The following MS4A13 variants were observed in gnomAD, a reference collection of about 807,000 sequenced individuals.
MS4A13 encodes the protein membrane-spanning 4-domains subfamily A member 13.
MS4A13 carries 21 observed loss-of-function variants against 18.4 expected under a neutral mutation model. The observed-to-expected ratio is 1.14, with a 90% CI of 0.81 to 1.64. MS4A13 has a LOEUF of 1.64. Among genes scored for constraint, MS4A13 ranks in the 40% most tolerant of loss-of-function variants. MS4A13 has a pLI of 0.00. For synonymous variants in MS4A13, 62 were observed against 57.2 expected, an observed-to-expected ratio of 1.08 and a Z score of -0.38; for missense variants, 173 against 176.8, an observed-to-expected ratio of 0.98 and a Z score of 0.12.
intron 6 of MS4A13, among the ~76,000 whole-genome samples, chr11:60,533,915 C>T (rs1158598048): frequency 2.8e-5 from 1 of 35,184 alleles, no homozygotes; most frequent in African/African-American, 1.3e-4. Flanking sequence ...TCATATCCAG[C>T]CAAACTAAGC....
chr11:60,523,863 C>A, intron 3 of MS4A13, 34 bp from the exon 4 acceptor site: 1 of 1,196,356 alleles, frequency 8.4e-7, no homozygotes, highest in South Asian at 1.3e-5. Context: ...CAAGCATTAT[C>A]AATGAGTATT....
At chr11:60,528,115 C>T (rs990033947) in intron 5 of MS4A13, among the ~76,000 whole-genome samples, 3 of 152,166 alleles carry the variant, frequency 2.0e-5, no homozygotes, top group African/African-American at 7.2e-5. Context: ...TGCTTACACT[C>T]AGTTTTGTTC....
In MS4A13 at chr11:60,518,073, C is replaced by T; in HGVS notation, c.-11C>T. The T allele has an allele frequency of 6.3e-7, 1 of 1,583,292 alleles. No individual in the cohort carries two copies. The highest frequency in any genetic ancestry group is 8.6e-7 in the Non-Finnish European group (1 of 1,158,364). On this transcript the variant is annotated splice_region_variant and 5_prime_UTR_variant, in exon 3 of 7. Transcript: ENST00000378186. ...ACTAACATAATTCTCTTCTCACAGA[C>T]TATCCAGATTATGATTGGCATCTTT...
chr11:60,532,350 C>T (rs1406290428), intron 6 of MS4A13, among the ~76,000 whole-genome samples: 2 of 152,196 alleles, frequency 1.3e-5, no homozygotes, highest in Non-Finnish European at 2.9e-5. Context: ...CGAGGCATTG[C>T]CTCACCTGGG....
At chr11:60,539,994 G>T (rs773469818) in intron 6 of MS4A13, among the ~76,000 whole-genome samples, 1 of 152,156 alleles carries the variant, frequency 6.6e-6, no homozygotes, top group African/African-American at 2.4e-5. Context: ...AAATGCACAT[G>T]AATAAATAAA....
chr11:60,525,456 G>A, intron 5 of MS4A13, 130 bp downstream of exon 5: 1 of 552,380 alleles, frequency 1.8e-6, no homozygotes, highest in Non-Finnish European at 3.0e-6. Context: ...GTGAGCTCTT[G>A]ATTGAAAATT....
At chr11:60,532,057 C>A (rs940635764) in intron 6 of MS4A13, among the ~76,000 whole-genome samples, 1 of 152,120 alleles carries the variant, frequency 6.6e-6, no homozygotes, top group Non-Finnish European at 1.5e-5. Flanking sequence ...TAATAGTTAC[C>A]CATAGGGTTC....
chr11:60,520,167 T>TG lies in MS4A13; in HGVS notation c.129+1962dup, dbSNP rs997141310. ...GTGGAAGATAACTGAATCATGAGGC[T>TG]GGGGGGGTGGCGAGTCATTCCCATG... On this transcript the variant is annotated intron_variant, in intron 3 of 6. Coordinates refer to ENST00000378186, the MANE Select transcript of MS4A13 (RefSeq NM_001012417.3). Among the ~76,000 whole-genome samples, 38 of 152,150 alleles carry TG rather than the reference T, an allele frequency of 2.5e-4. 1 individual carries two copies. Among genetic ancestry groups the TG allele is most frequent in the Admixed American group, 1.4e-3 (22 of 15,282 alleles).
At chr11:60,524,874 AT>A (rs1170028705) in intron 4 of MS4A13, among the ~76,000 whole-genome samples, 3 of 151,864 alleles carry the variant, frequency 2.0e-5, no homozygotes, top group Non-Finnish European at 2.9e-5. Context: ...GTTAGCCAGG[AT>A]GGTCTCGATC....
intron 2 of MS4A13, among the ~76,000 whole-genome samples, chr11:60,517,141 T>A (rs1005889976): frequency 5.9e-5 from 9 of 151,680 alleles, no homozygotes; most frequent in Admixed American, 2.6e-4. Flanking sequence ...AAATTCTAAA[T>A]CTATAAAAAT....
At position 60,523,897 on chromosome 11, in the gene MS4A13, TTTA is replaced by T. The variant is rs1404214790; in HGVS notation, c.132_134del (p.Ile46del). 1 of 1,492,346 alleles carries T rather than the reference TTTA, an allele frequency of 6.7e-7. No homozygotes were observed. Among genetic ancestry groups the T allele is most frequent in the Non-Finnish European group, 9.3e-7 (1 of 1,071,994 alleles). The allele number at this position is 1,492,346 out of a possible 1,614,324, so 92.4% of individuals were successfully genotyped here. On this transcript the variant is annotated inframe_deletion and splice_region_variant, in exon 4 of 7. Coordinates refer to ENST00000378186, the MANE Select transcript of MS4A13 (RefSeq NM_001012417.3). ...TTTATAAATATGTTTTTATATCCAGTTTATCATTGCAGGAGTCTTCCTAATAAG... is the reference window on the plus strand; with the variant it reads ...TTTATAAATATGTTTTTATATCCAGTTCATTGCAGGAGTCTTCCTAATAAG...
intron 6 of MS4A13, among the ~76,000 whole-genome samples, chr11:60,539,976 T>C (rs2086843376): frequency 1.3e-5 from 2 of 152,180 alleles, no homozygotes; most frequent in African/African-American, 4.8e-5. Context: ...TGACATCAGA[T>C]GAAACTCAAA....
intron 5 of MS4A13, among the ~76,000 whole-genome samples, chr11:60,528,532 T>A (rs1393446329): frequency 6.6e-6 from 1 of 152,226 alleles, no homozygotes; most frequent in African/African-American, 2.4e-5. Context: ...GTCATTGCAT[T>A]CCTATCATCT....
At chr11:60,532,413 A>G (rs2086776820) in intron 6 of MS4A13, among the ~76,000 whole-genome samples, 1 of 152,170 alleles carries the variant, frequency 6.6e-6, no homozygotes, top group Non-Finnish European at 1.5e-5. Context: ...GGGGTGACGG[A>G]CGCACCTGGA....
At chr11:60,527,410 C>CTCTCTCTGTGTGTGTGTGTGTGTGTG (rs1555024373) in intron 5 of MS4A13, among the ~76,000 whole-genome samples, 1 of 28,788 alleles carries the variant, frequency 3.5e-5, no homozygotes, top group African/African-American at 1.6e-4. Flanking sequence ...CTCTCTCTCT[C>CTCTCTCTGTGTGTGTGTGTGTGTGTG]TGTGTGTGTG....
intron 2 of MS4A13, 109 bp from the exon 3 acceptor site, chr11:60,517,963 T>C (rs1367824854): frequency 1.2e-6 from 1 of 854,986 alleles, no homozygotes; most frequent in East Asian, 2.7e-5. Flanking sequence ...TGCATTGCTG[T>C]TTTACTTTTG....
intron 6 of MS4A13, among the ~76,000 whole-genome samples, chr11:60,531,013 A>G (rs533364836): frequency 6.0e-4 from 92 of 152,144 alleles, no homozygotes; most frequent in Non-Finnish European, 7.8e-4. Flanking sequence ...TTTCCTTTAT[A>G]AATTACCCAG....
chr11:60,540,903 C>T (rs969349616), intron 6 of MS4A13, among the ~76,000 whole-genome samples: 6 of 149,904 alleles, frequency 4.0e-5, no homozygotes, highest in African/African-American at 1.2e-4. Flanking sequence ...TGCAATGAGC[C>T]ATATTCAGGC....
At chr11:60,539,491 A>C (rs1216281599) in intron 6 of MS4A13, among the ~76,000 whole-genome samples, 1 of 152,090 alleles carries the variant, frequency 6.6e-6, no homozygotes, top group African/African-American at 2.4e-5. Context: ...AAATCCTTTG[A>C]GATACCATCA....
Sources: allele counts gnomAD v4.1 joint callset (sites outside exome capture counted in the v4.1 genomes callset), GRCh38; gene constraint gnomAD v4.1.1; transcripts MANE v1.5; gene names NCBI Gene and HGNC (gene_info 2026-07-23, HGNC 2026-07-21).